Variants in DPYS observed in about 807,000 individuals in gnomAD.
DPYS encodes dihydropyrimidine amidohydrolase.
A neutral mutation model predicts 50.3 loss-of-function variants in DPYS; 39 were observed. The ratio of observed to expected loss-of-function variants is 0.78; its 90% CI spans 0.60 to 1.01. The LOEUF (loss-of-function observed/expected upper bound fraction) is 1.01, where lower values mean the gene tolerates loss of function less well. Ranked by LOEUF, DPYS falls within the 50% of genes least tolerant of loss-of-function variation. The probability of loss-of-function intolerance (pLI) is 0.00; values close to 1 mark genes in which losing one functional copy is unlikely to be tolerated. For synonymous variants in DPYS, 245 were observed against 250.7 expected, an observed-to-expected ratio of 0.98 and a Z score of 0.22; for missense variants, 659 against 680.9, an observed-to-expected ratio of 0.97 and a Z score of 0.36.
At chr8:104,418,207 C>T (rs76887518) in intron 7 of DPYS, among the ~76,000 whole-genome samples, 8,888 of 152,236 alleles carry the variant, frequency 0.058, 293 homozygotes, top group African/African-American at 0.063. Flanking sequence ...GCTCGGGCTG[C>T]GGGCGCCCCC....
chr8:104,417,591 G>A (rs1812409699), intron 7 of DPYS, among the ~76,000 whole-genome samples: 1 of 151,350 alleles, frequency 6.6e-6, no homozygotes, highest in Non-Finnish European at 1.5e-5. Flanking sequence ...TTGAAACTTT[G>A]ACCCAAGTAG....
At chr8:104,448,404 C>T (rs1813616117) in intron 2 of DPYS, among the ~76,000 whole-genome samples, 1 of 152,142 alleles carries the variant, frequency 6.6e-6, no homozygotes, top group Non-Finnish European at 1.5e-5. Context: ...CATCTGCCCT[C>T]CTTGGCCTCC....
At chr8:104,453,746 T>C (rs1419706288) in intron 1 of DPYS, among the ~76,000 whole-genome samples, 2 of 152,242 alleles carry the variant, frequency 1.3e-5, no homozygotes, top group Non-Finnish European at 2.9e-5. Context: ...CACATGAATA[T>C]TCACAGCAGC....
At chr8:104,428,247 TG>T in intron 5 of DPYS, 126 bp from the exon 6 acceptor site, 4 of 1,269,690 alleles carry the variant, frequency 3.2e-6, no homozygotes, top group Non-Finnish European at 4.5e-6. Context: ...CAATGGAGAA[TG>T]AGCAGTTTTT....
chr8:104,446,989 A>G (rs527664180), intron 3 of DPYS, among the ~76,000 whole-genome samples: 6 of 152,320 alleles, frequency 3.9e-5, no homozygotes, highest in Admixed American at 2.0e-4. Context: ...CTTCTGAAAA[A>G]CAACAACAAA....
rs145752614 is a variant in DPYS at position 104,388,468 on chromosome 8, A to G, written c.1443+4316T>C. Among the ~76,000 whole-genome samples, 820 of 152,348 alleles carry G rather than the reference A, an allele frequency of 5.4e-3. 7 individuals are homozygous for G. The highest frequency in any genetic ancestry group is 0.019 in the African/African-American group (788 of 41,586). ...ACTCTAAACACACAAAAATTCAAGA[A>G]ACGTAATCCATTTTAACTTAAAGAG... On this transcript the variant is annotated intron_variant, in intron 8 of 9. Transcript: ENST00000351513.
chr8:104,432,850 G>A (rs763222461), intron 4 of DPYS, among the ~76,000 whole-genome samples: 17 of 152,154 alleles, frequency 1.1e-4, no homozygotes, highest in Non-Finnish European at 2.1e-4. Context: ...TGGGACCCTG[G>A]AGACATTTCA....
intron 1 of DPYS, among the ~76,000 whole-genome samples, 198 bp downstream of exon 1, chr8:104,466,458 GA>G (rs1202134025): frequency 1.3e-5 from 2 of 152,174 alleles, no homozygotes; most frequent in Non-Finnish European, 2.9e-5. Flanking sequence ...CTGCCGCCGA[GA>G]AGGGGCGCCT....
intron 2 of DPYS, among the ~76,000 whole-genome samples, chr8:104,450,299 T>A (rs1274527265): frequency 1.3e-5 from 2 of 152,212 alleles, no homozygotes; most frequent in African/African-American, 4.8e-5. Flanking sequence ...AGCTGTGGAC[T>A]ATAAACCTTG....
At chr8:104,422,733 A>G (rs964812598) in intron 7 of DPYS, among the ~76,000 whole-genome samples, 2 of 152,172 alleles carry the variant, frequency 1.3e-5, no homozygotes, top group Admixed American at 6.5e-5. Context: ...AAAGCTCACA[A>G]TCTCCTTAAG....
At chr8:104,381,399 G>A in intron 8 of DPYS, 85 bp from the exon 9 acceptor site, 1 of 1,238,870 alleles carries the variant, frequency 8.1e-7, no homozygotes, top group Non-Finnish European at 1.2e-6. Flanking sequence ...AATTGCGAGA[G>A]CTTTAAAAAA....
rs767972633 is a variant in DPYS at position 104,447,520 on chromosome 8, A to G, written c.424-17T>C. On this transcript the variant is annotated splice_polypyrimidine_tract_variant and intron_variant, in intron 2 of 9. Coordinates refer to ENST00000351513, the MANE Select transcript of DPYS (RefSeq NM_001385.3). ...TTCTTTAACCTAAAAGGAAGCAGCAACCATAACAACAATATGTTACTCTAA... is the reference window on the plus strand; with the variant it reads ...TTCTTTAACCTAAAAGGAAGCAGCAGCCATAACAACAATATGTTACTCTAA... 8.1e-6 allele frequency: 13 copies of G among 1,613,412 alleles called. No homozygotes were observed. The highest frequency in any genetic ancestry group is 1.1e-5 in the Non-Finnish European group (13 of 1,179,488).
At position 104,387,028 on chromosome 8, in the gene DPYS, A is replaced by T. The variant is rs1811233877; in HGVS notation, c.1444-5714T>A. Among the ~76,000 whole-genome samples the T allele has an allele frequency of 2.0e-5, 3 of 152,352 alleles. No individual in the cohort carries two copies. In the East Asian group the frequency reaches 5.8e-4, roughly 29 times the overall value. On this transcript the variant is annotated intron_variant, in intron 8 of 9. Transcript: ENST00000351513. ...TGGAGGCTAAGATACTAAAATATCA[A>T]TAAAGACAACAGAACTTCCAAATAC... is the stretch of plus-strand genomic sequence containing the variant.
At chr8:104,386,558 T>C in intron 8 of DPYS, among the ~76,000 whole-genome samples, 1 of 150,592 alleles carries the variant, frequency 6.6e-6, no homozygotes. Context: ...AAAAAGAAAA[T>C]TTAATCATAT....
intron 7 of DPYS, among the ~76,000 whole-genome samples, chr8:104,421,660 T>C (rs1204511218): frequency 6.6e-6 from 1 of 151,818 alleles, no homozygotes; most frequent in Non-Finnish European, 1.5e-5. Context: ...AAAAAAGAAA[T>C]GTGAAAGAAC....
intron 8 of DPYS, among the ~76,000 whole-genome samples, chr8:104,385,353 G>A (rs1347137664): frequency 6.6e-6 from 1 of 152,128 alleles, no homozygotes; most frequent in African/African-American, 2.4e-5. Context: ...ATGATATTGG[G>A]CAATTGTATC....
intron 7 of DPYS, among the ~76,000 whole-genome samples, chr8:104,405,816 C>A (rs903304508): frequency 1.3e-5 from 2 of 152,234 alleles, no homozygotes; most frequent in Non-Finnish European, 1.5e-5. Context: ...CGCCTGAGGA[C>A]ATCCATGCTG....
At chr8:104,416,999 A>T (rs1032321304) in intron 7 of DPYS, among the ~76,000 whole-genome samples, 7 of 152,196 alleles carry the variant, frequency 4.6e-5, no homozygotes, top group African/African-American at 1.7e-4. Context: ...ACTGAATATA[A>T]AGTTAAATTC....
chr8:104,417,888 A>G (rs973591279), intron 7 of DPYS, among the ~76,000 whole-genome samples: 2 of 152,174 alleles, frequency 1.3e-5, no homozygotes, highest in African/African-American at 4.8e-5. Flanking sequence ...CCATATGTCA[A>G]ATTCCTCACC....
Sources: allele counts gnomAD v4.1 joint callset (sites outside exome capture counted in the v4.1 genomes callset), GRCh38; gene constraint gnomAD v4.1.1; transcripts MANE v1.5; gene names NCBI Gene and HGNC (gene_info 2026-07-23, HGNC 2026-07-21).